KAT6B: variants seen among roughly 807,000 people sequenced by gnomAD.
The protein encoded by KAT6B is histone acetyltransferase KAT6B.
KAT6B carries 10 observed loss-of-function variants against 187.5 expected under a neutral mutation model. That is an observed-to-expected ratio of 0.05 (90% CI 0.03 to 0.09). KAT6B has a LOEUF of 0.09. KAT6B is among the 10% of genes least tolerant of loss of function. The probability of loss-of-function intolerance (pLI) is 1.00; values close to 1 mark genes in which losing one functional copy is unlikely to be tolerated. For missense variants in KAT6B, 1,952 were observed against 2,558.9 expected, an observed-to-expected ratio of 0.76 and a Z score of 5.12; for synonymous variants, 861 against 926.8, an observed-to-expected ratio of 0.93 and a Z score of 1.29.
At chr10:74,841,888 ATC>A (rs1841769582) in intron 2 of KAT6B, among the ~76,000 whole-genome samples, 1 of 152,200 alleles carries the variant, frequency 6.6e-6, no homozygotes, top group Non-Finnish European at 1.5e-5. Context: ...TATACCAAGC[ATC>A]TCTCAGAACA....
intron 13 of KAT6B, among the ~76,000 whole-genome samples, chr10:74,996,238 G>A (rs771116932): frequency 5.3e-5 from 8 of 152,224 alleles, no homozygotes; most frequent in Admixed American, 1.3e-4. Context: ...AGAAGACATA[G>A]CTCTTGCTGG....
intron 3 of KAT6B, among the ~76,000 whole-genome samples, chr10:74,938,426 C>T (rs1053152420): frequency 6.6e-6 from 1 of 151,906 alleles, no homozygotes; most frequent in Admixed American, 6.6e-5. Context: ...TGAACCAGGC[C>T]CTCAAAGTAG....
chr10:74,961,376 G>A (rs1690222255), intron 4 of KAT6B, among the ~76,000 whole-genome samples: 1 of 152,142 alleles, frequency 6.6e-6, no homozygotes, highest in Admixed American at 6.5e-5. Flanking sequence ...GTGTTCACTT[G>A]TCTAGGGTTT....
At chr10:74,996,506 C>T (rs1464405774) in intron 13 of KAT6B, among the ~76,000 whole-genome samples, 1 of 151,950 alleles carries the variant, frequency 6.6e-6, no homozygotes, top group Non-Finnish European at 1.5e-5. Flanking sequence ...TGCGGTGGCT[C>T]ACGCCTGTAA....
intron 1 of KAT6B, among the ~76,000 whole-genome samples, chr10:74,837,684 C>T (rs1388484679): frequency 6.6e-6 from 1 of 151,920 alleles, no homozygotes; most frequent in East Asian, 1.9e-4. Context: ...TATTCTCTTG[C>T]TTATATGAAT....
intron 3 of KAT6B, among the ~76,000 whole-genome samples, chr10:74,894,716 G>A (rs1845867438): frequency 6.6e-6 from 1 of 151,880 alleles, no homozygotes; most frequent in African/African-American, 2.4e-5. Flanking sequence ...ATGTCCTCAA[G>A]GTTCATCCAT....
chr10:74,985,175 A>T lies in KAT6B; in HGVS notation c.2469A>T (p.Pro823=), dbSNP rs1444901119. ...DHKTLYYDVE[P]FLFYVLTKND... The stretch of plus-strand genomic sequence containing the variant: ...AAACGTTGTATTATGATGTCGAGCC[A>T]TTCCTTTTTTATGTCCTTACAAAAA... Residue 823 remains proline (P), a synonymous_variant, in exon 12 of 18, where the codon CCA becomes CCT. Transcript: ENST00000287239. The T allele has an allele frequency of 1.2e-6, 2 of 1,614,158 alleles. No individual in the cohort carries two copies. Among genetic ancestry groups the T allele is most frequent in the Admixed American group, 1.7e-5 (1 of 60,032 alleles).
intron 3 of KAT6B, among the ~76,000 whole-genome samples, chr10:74,876,597 G>A (rs1844429449): frequency 6.6e-6 from 1 of 152,122 alleles, no homozygotes; most frequent in African/African-American, 2.4e-5. Flanking sequence ...GTATGTTAAT[G>A]TGGGCAGTCT....
chr10:74,830,957 T>G (rs1305204756), intron 1 of KAT6B, among the ~76,000 whole-genome samples: 4 of 150,516 alleles, frequency 2.7e-5, no homozygotes, highest in Non-Finnish European at 5.9e-5. Flanking sequence ...CCAGCTAATT[T>G]TTTGTATTTT....
rs2134168933 is a variant in KAT6B at position 75,022,146 on chromosome 10, AG to A, written c.3289del (p.Glu1097LysfsTer17). ...GAAGAGGATGAAGAGGAGGAAGAAG[AG>A]GAAGAAGAAGAAGAAGAAGAAGAAA... ...EEEEDEEEEE[E>X]EEEEEEEENI... is the part of the protein sequence containing the mutation. On this transcript the variant is annotated frameshift_variant, in exon 16 of 18. Transcript: ENST00000287239. LOFTEE classifies it high-confidence loss of function. The A allele has an allele frequency of 6.3e-7, 1 of 1,583,618 alleles. No homozygotes were observed.
Position 75,020,717 on chromosome 10 carries a change from T to G in KAT6B, c.2765T>G (p.Ile922Ser). 1 of 1,613,618 alleles carries G rather than the reference T, an allele frequency of 6.2e-7. No individual in the cohort carries two copies. Among genetic ancestry groups the G allele is most frequent in the South Asian group, 1.1e-5 (1 of 91,062 alleles). The change falls in exon 14 of 18, where the codon ATC (isoleucine) becomes AGC (serine). Residue 922 changes from isoleucine (I) to serine (S), a missense_variant. This residue lies in a region of KAT6B where 758 missense variants were observed against 891.4 expected (regional missense o/e 0.85). Coordinates refer to ENST00000287239, the MANE Select transcript of KAT6B (RefSeq NM_012330.4). ...CTCTACCACCACCATGAGAGGCACA[T>G]CAGCATCAAGGCAATTAGCAGAGCG... ...EYLYHHHERH[I>S]SIKAISRATG...
At chr10:74,972,334 T>C (rs1841901127) in intron 6 of KAT6B, among the ~76,000 whole-genome samples, 173 bp from the exon 7 acceptor site, 1 of 152,132 alleles carries the variant, frequency 6.6e-6, no homozygotes, top group African/African-American at 2.4e-5. Context: ...TCCAGGGAAA[T>C]TGACCTTAGT....
chr10:74,958,560 T>C (rs1479386063), intron 3 of KAT6B, among the ~76,000 whole-genome samples: 1 of 152,182 alleles, frequency 6.6e-6, no homozygotes, highest in Non-Finnish European at 1.5e-5. Flanking sequence ...TTGAAAATAA[T>C]GTGACCAGAT....
intron 3 of KAT6B, among the ~76,000 whole-genome samples, chr10:74,907,896 G>A (rs1846891128): frequency 6.6e-6 from 1 of 152,128 alleles, no homozygotes; most frequent in Non-Finnish European, 1.5e-5. Flanking sequence ...ATTACTGATT[G>A]TTATGTTTTG....
chr10:75,024,097 G>A (rs1845639264), intron 16 of KAT6B: 1 of 151,972 alleles, frequency 6.6e-6, no homozygotes, highest in African/African-American at 2.4e-5. Context: ...CCAACCTTTA[G>A]TGCAAACAGA....
chr10:74,873,560 C>A (rs887483509), intron 3 of KAT6B, among the ~76,000 whole-genome samples: 8 of 152,054 alleles, frequency 5.3e-5, no homozygotes, highest in African/African-American at 1.7e-4. Flanking sequence ...GAGGGCAAGC[C>A]TGGGAGGAGG....
chr10:74,956,111 G>A (rs1373604077), intron 3 of KAT6B, among the ~76,000 whole-genome samples: 1 of 152,070 alleles, frequency 6.6e-6, no homozygotes, highest in East Asian at 1.9e-4. Flanking sequence ...TTGTAGAGCT[G>A]GGGTCTCCCC....
Position 74,842,740 on chromosome 10 carries a change from G to A in KAT6B, c.-118G>A. Reference sequence around the variant, plus strand: ...TGTTTGTAAGATGTTGCTTAATACAGTCTGGAATACTCTGTCCATTTGTTG... The same window carrying A: ...TGTTTGTAAGATGTTGCTTAATACAATCTGGAATACTCTGTCCATTTGTTG... On this transcript the variant is annotated 5_prime_UTR_variant, in exon 3 of 18. Coordinates refer to ENST00000287239, the MANE Select transcript of KAT6B (RefSeq NM_012330.4). The A allele has an allele frequency of 8.9e-7, 1 of 1,127,844 alleles. No individual in the cohort carries two copies. The highest frequency in any genetic ancestry group is 1.3e-6 in the Non-Finnish European group (1 of 750,426). The allele number at this position is 1,127,844 out of a possible 1,614,324, so 69.9% of individuals were successfully genotyped here. A position where few individuals can be genotyped will look rare whatever the true frequency, so the allele number is the denominator to read the frequency against.
intron 3 of KAT6B, among the ~76,000 whole-genome samples, chr10:74,878,060 A>C (rs1344744467): frequency 1.3e-5 from 2 of 152,190 alleles, no homozygotes; most frequent in Admixed American, 1.3e-4. Flanking sequence ...AGCCCACAGA[A>C]AGGGATGGCA....
Sources: gnomAD v4.1 joint callset for allele counts (sites outside exome capture counted in the v4.1 genomes callset) on GRCh38, gnomAD v4.1.1 for gene constraint, gnomAD v4.1.1 regional missense constraint, MANE v1.5 for transcripts, NCBI Gene and HGNC (gene_info 2026-07-23, HGNC 2026-07-21) for gene names.